Variants in MAP3K20 observed in about 807,000 individuals in gnomAD.
The protein encoded by MAP3K20 is HCCS-4.
A neutral mutation model predicts 85.7 loss-of-function variants in MAP3K20; 40 were observed. The observed-to-expected ratio is 0.47, with a 90% CI of 0.36 to 0.61. MAP3K20 has a LOEUF of 0.61. Among genes scored for constraint, MAP3K20 ranks in the 20% least tolerant of loss-of-function variants. The pLI is 0.00. For missense variants in MAP3K20, 817 were observed against 961.7 expected, an observed-to-expected ratio of 0.85 and a Z score of 1.99; for synonymous variants, 325 against 327.7, an observed-to-expected ratio of 0.99 and a Z score of 0.09.
At position 173,266,544 on chromosome 2, in the gene MAP3K20, A is replaced by G. The variant is rs751947634; in HGVS notation, c.2197A>G (p.Ser733Gly). ...TCACCAGTCGCCTGACTTCAAGAGAAGCCCCAGGGACCTCCACCAACCCAA... is the reference window on the plus strand; with the variant it reads ...TCACCAGTCGCCTGACTTCAAGAGAGGCCCCAGGGACCTCCACCAACCCAA... The part of the protein sequence containing the change: ...NPHQSPDFKR[S>G]PRDLHQPNTI... The change falls in exon 20 of 20, where the codon AGC (serine) becomes GGC (glycine). Residue 733 changes from serine (S) to glycine (G), a missense_variant. Physicochemically the swap from Ser to Gly is moderately conservative, Grantham distance 56. Around this residue, in one of 4 missense-constraint regions of MAP3K20, gnomAD observed 454 missense variants for 476.9 expected, o/e 0.95. Transcript: ENST00000375213. 1 of 1,613,874 alleles carries G rather than the reference A, an allele frequency of 6.2e-7. No homozygotes were observed.
chr2:173,129,332 C>A (rs1688541423), intron 2 of MAP3K20, among the ~76,000 whole-genome samples: 1 of 152,138 alleles, frequency 6.6e-6, no homozygotes, highest in Admixed American at 6.6e-5. Context: ...TGCATTATTT[C>A]ATTTCATTCT....
rs927562477 is a variant in MAP3K20, at chr2:173,111,092, A to C, written c.159+19902A>C. On this transcript the variant is annotated intron_variant, in intron 2 of 19. Coordinates refer to ENST00000375213, the MANE Select transcript of MAP3K20 (RefSeq NM_016653.3). The stretch of plus-strand genomic sequence containing the variant: ...GTTCACCACATCCATGCCAGCATCT[A>C]TTGTTTTTTGATTTTTTTGATTATG... Among the ~76,000 whole-genome samples the C allele has an allele frequency of 2.6e-5, 4 of 152,034 alleles. No homozygotes were observed. In the East Asian group the frequency reaches 7.7e-4, roughly 29 times the overall value.
chr2:173,258,485 A>C (rs144913085), intron 16 of MAP3K20, among the ~76,000 whole-genome samples: 1 of 152,204 alleles, frequency 6.6e-6, no homozygotes, highest in East Asian at 1.9e-4. Context: ...TAGAACACTT[A>C]ACACTGATAC....
intron 11 of MAP3K20, chr2:173,224,083 G>A (rs546740338): frequency 4.4e-6 from 4 of 905,370 alleles, no homozygotes; most frequent in Admixed American, 1.2e-4. Context: ...AGTGAAGATC[G>A]ATGATAAATA....
rs77446563 is a variant in MAP3K20 at position 173,261,439 on chromosome 2, T to C, written c.1551+302T>C. 2.0e-3 allele frequency among the ~76,000 whole-genome samples: 303 copies of C among 152,340 alleles called. 3 individuals are homozygous for C. The highest frequency in any genetic ancestry group is 7.1e-3 in the African/African-American group (294 of 41,578). ...AGATGTTTGGTATTGGGGATACTAA[T>C]AGTTAATACTAATTTTTTTTAAATC... On this transcript the variant is annotated intron_variant, in intron 18 of 19. Coordinates refer to ENST00000375213, the MANE Select transcript of MAP3K20 (RefSeq NM_016653.3).
At chr2:173,075,824 T>C (rs909077850), upstream of MAP3K20, 5 of 985,240 alleles carry the variant, frequency 5.1e-6, no homozygotes, top group African/African-American at 1.7e-5. Flanking sequence ...AGGTAGGTGG[T>C]GCTGTTGCCG....
chr2:173,215,406 A>AT (rs1275344547), intron 10 of MAP3K20, among the ~76,000 whole-genome samples: 1 of 152,184 alleles, frequency 6.6e-6, no homozygotes, highest in African/African-American at 2.4e-5. Flanking sequence ...CCATTGAAAA[A>AT]TAAAAACTTT....
At chr2:173,199,658 GGTT>G (rs1559274824) in intron 8 of MAP3K20, among the ~76,000 whole-genome samples, 1 of 131,366 alleles carries the variant, frequency 7.6e-6, no homozygotes, top group Non-Finnish European at 1.7e-5. Flanking sequence ...CTAGGAGAAA[GGTT>G]GTTTTTTTTT....
chr2:173,124,081 A>C (rs988507955), intron 2 of MAP3K20, among the ~76,000 whole-genome samples: 10 of 152,036 alleles, frequency 6.6e-5, no homozygotes, highest in African/African-American at 2.4e-4. Flanking sequence ...TTTTGATGGG[A>C]CTTTATGCCA....
At chr2:173,144,496 AAAG>A (rs1689080038) in intron 2 of MAP3K20, among the ~76,000 whole-genome samples, 1 of 150,528 alleles carries the variant, frequency 6.6e-6, no homozygotes, top group African/African-American at 2.4e-5. Flanking sequence ...GAAAAGAAAG[AAAG>A]AAGAGAAGAG....
chr2:173,161,712 G>T (rs370677598), intron 2 of MAP3K20, among the ~76,000 whole-genome samples: 36 of 152,166 alleles, frequency 2.4e-4, no homozygotes, highest in Non-Finnish European at 4.6e-4. Context: ...TACCGAGTAG[G>T]TTGAAGTCCA....
chr2:173,097,773 A>G (rs1687505617), intron 2 of MAP3K20, among the ~76,000 whole-genome samples: 2 of 152,240 alleles, frequency 1.3e-5, no homozygotes, highest in African/African-American at 4.8e-5. Context: ...AACAGGAACT[A>G]TCAATAATTT....
At chr2:173,148,477 G>A (rs1334542076) in intron 2 of MAP3K20, among the ~76,000 whole-genome samples, 3 of 152,172 alleles carry the variant, frequency 2.0e-5, no homozygotes, top group Non-Finnish European at 4.4e-5. Context: ...GATATCCTTA[G>A]GATGAGTGGT....
chr2:173,264,868 T>C (rs1305249143), intron 19 of MAP3K20, among the ~76,000 whole-genome samples: 1 of 151,462 alleles, frequency 6.6e-6, no homozygotes. Flanking sequence ...GGAGGGGAAA[T>C]GGAGAAAGAG....
chr2:173,212,421 A>T (rs554885545), intron 10 of MAP3K20: 23 of 152,328 alleles, frequency 1.5e-4, no homozygotes, highest in Non-Finnish European at 2.6e-4. Flanking sequence ...AGGACATAGT[A>T]AAAGGATTTT....
chr2:173,214,719 C>T (rs923716692), intron 10 of MAP3K20, among the ~76,000 whole-genome samples: 11 of 152,154 alleles, frequency 7.2e-5, no homozygotes, highest in African/African-American at 2.7e-4. Context: ...TACTAGTTGA[C>T]ATTGACCTTG....
intron 11 of MAP3K20, among the ~76,000 whole-genome samples, chr2:173,217,651 A>G (rs1016407724): frequency 2.6e-5 from 4 of 152,240 alleles, no homozygotes; most frequent in Non-Finnish European, 4.4e-5. Context: ...ACTGACTAAC[A>G]GAGTCTTTGA....
intron 17 of MAP3K20, among the ~76,000 whole-genome samples, chr2:173,260,642 G>A (rs374874764): frequency 2.6e-5 from 4 of 152,318 alleles, no homozygotes; most frequent in Admixed American, 2.0e-4. Flanking sequence ...AAAGCAGAGC[G>A]ATTGTTGAAG....
Position 173,198,172 on chromosome 2 carries a change from A to G in MAP3K20, c.669+60A>G. The G allele has an allele frequency of 6.8e-7, 1 of 1,466,560 alleles. No homozygotes were observed. Among genetic ancestry groups the G allele is most frequent in the Non-Finnish European group, 9.4e-7 (1 of 1,068,918 alleles). The allele number at this position is 1,466,560 out of a possible 1,614,324, so 90.8% of individuals were successfully genotyped here. A position where few individuals can be genotyped will look rare whatever the true frequency, so the allele number is the denominator to read the frequency against. ...CAGAAAACAGTATTGGGGTTTTGCAAAAGACTTTTTCATCTTCTTCAAATT... is the reference window on the plus strand; with the variant it reads ...CAGAAAACAGTATTGGGGTTTTGCAGAAGACTTTTTCATCTTCTTCAAATT... On this transcript the variant is annotated intron_variant, in intron 8 of 19. Coordinates refer to ENST00000375213, the MANE Select transcript of MAP3K20 (RefSeq NM_016653.3). This position sits in a 1 kb window ranked among gnomAD's most constrained non-coding sequence, Gnocchi z 5.8.
Sources: gnomAD v4.1 joint callset for allele counts (sites outside exome capture counted in the v4.1 genomes callset) on GRCh38, gnomAD v4.1.1 for gene constraint, gnomAD v4.1.1 regional missense constraint, Gnocchi (gnomAD v3.1) non-coding constraint, MANE v1.5 for transcripts, NCBI Gene and HGNC (gene_info 2026-07-23, HGNC 2026-07-21) for gene names.